MOCS1: variants seen among roughly 807,000 people sequenced by gnomAD.
The protein encoded by MOCS1 is molybdenum cofactor synthesis 1.
A neutral mutation model predicts 57.6 loss-of-function variants in MOCS1; 39 were observed. The ratio of observed to expected loss-of-function variants is 0.68; its 90% CI spans 0.52 to 0.88. The LOEUF (loss-of-function observed/expected upper bound fraction) is 0.88, where lower values mean the gene tolerates loss of function less well. Ranked by LOEUF, MOCS1 falls within the 40% of genes least tolerant of loss-of-function variation. The pLI is 0.00. For synonymous variants in MOCS1, 334 were observed against 335.7 expected, an observed-to-expected ratio of 1.00 and a Z score of 0.05; for missense variants, 795 against 831.1, an observed-to-expected ratio of 0.96 and a Z score of 0.53.
chr6:39,918,090 T>C (rs1582820443), intron 3 of MOCS1, among the ~76,000 whole-genome samples: 1 of 152,248 alleles, frequency 6.6e-6, no homozygotes, highest in Non-Finnish European at 1.5e-5. Context: ...AATTTCTTTC[T>C]ATAACAAACA....
Position 39,906,459 on chromosome 6 carries a change from G to C in MOCS1, c.1809C>G (p.Thr603=), listed in dbSNP as rs764538311. 2.5e-6 allele frequency: 4 copies of C among 1,613,618 alleles called. No individual in the cohort carries two copies. In the African/African-American group the frequency reaches 5.3e-5, roughly 22 times the overall value. ...ALTSAAVAAL[T]LYDMCKAVSR... ...TGACAGCCTTGCACATGTCATACAG[G>C]GTGAGGGCGGCCACTGCAGCAGAGG... Residue 603 remains threonine (T), a synonymous_variant, in exon 11 of 11, where the codon ACC becomes ACG. Transcript: ENST00000340692.
chr6:39,910,684 A>C (rs1767267340), intron 8 of MOCS1, among the ~76,000 whole-genome samples: 1 of 152,190 alleles, frequency 6.6e-6, no homozygotes, highest in South Asian at 2.1e-4. Flanking sequence ...CCACTGGAGA[A>C]GATACCAGTG....
intron 1 of MOCS1, among the ~76,000 whole-genome samples, chr6:39,928,940 C>G (rs1042615673): frequency 1.3e-5 from 2 of 152,218 alleles, no homozygotes; most frequent in African/African-American, 4.8e-5. Flanking sequence ...TTAGAACCAT[C>G]TGGAGAACTT....
rs554765057 is a variant in MOCS1 at position 39,913,381 on chromosome 6, G to T, written c.693C>A (p.Asp231Glu). ...MRGLNEDELL[D>E]FAALTEGLPL... ...GGAGGCCCTCAGTCAAGGCCGCAAAGTCCAGGAGTTCATCCTCGTTAAGGC... is the reference window on the plus strand; with the variant it reads ...GGAGGCCCTCAGTCAAGGCCGCAAATTCCAGGAGTTCATCCTCGTTAAGGC... Residue 231 changes from aspartate to glutamate, a missense_variant, in exon 6 of 11, where the codon GAC (aspartate) becomes GAA (glutamate). Asp to Glu is a conservative substitution (Grantham distance 45, BLOSUM62 2). This residue lies in a region of MOCS1 where 416 missense variants were observed against 392.4 expected (regional missense o/e 1.06). Coordinates refer to ENST00000340692, the MANE Select transcript of MOCS1 (RefSeq NM_001358530.2). 4.3e-6 allele frequency: 7 copies of T among 1,614,104 alleles called. No homozygotes were observed. The highest frequency in any genetic ancestry group is 1.6e-4 in the Middle Eastern group (1 of 6,084).
At position 39,906,650 on chromosome 6, in the gene MOCS1, C is replaced by T. The variant is rs766734756; in HGVS notation, c.1618G>A (p.Gly540Arg). 1 of 1,613,926 alleles carries T rather than the reference C, an allele frequency of 6.2e-7. No individual in the cohort carries two copies. Among genetic ancestry groups the T allele is most frequent in the South Asian group, 1.1e-5 (1 of 91,078 alleles). ...GDALVVAQLA[G>R]VQAAKVTSQL... Reference sequence around the variant, plus strand: ...CTGGTCACCTTGGCTGCCTGGACTCCAGCCAGCTGGGCCACCACTAGGGCA... The same window carrying T: ...CTGGTCACCTTGGCTGCCTGGACTCTAGCCAGCTGGGCCACCACTAGGGCA... The change falls in exon 11 of 11, where the codon GGA becomes AGA. Residue 540 changes from glycine (G) to arginine (R), a missense_variant. Gly to Arg is a moderately radical substitution (Grantham distance 125). Transcript: ENST00000340692.
intron 3 of MOCS1, among the ~76,000 whole-genome samples, chr6:39,920,497 T>G (rs1767904107): frequency 6.6e-6 from 1 of 152,090 alleles, no homozygotes; most frequent in Non-Finnish European, 1.5e-5. Flanking sequence ...CTAGAACCAA[T>G]TCAAATGCTC....
In MOCS1 at chr6:39,934,307, T is replaced by A; in HGVS notation, c.111A>T (p.Arg37=). ...VTQPCPGESA[R]AASEEVSRRR... is the part of the protein sequence containing the mutation. ...GGGGTGGGCTCACCTCCGAGGCAGC[T>A]CGCGCGGACTCCCCGGGGCAGGGCT... The change falls in exon 1 of 11, where the codon CGA becomes CGT. Residue 37 remains arginine (R), a synonymous_variant. Coordinates refer to ENST00000340692, the MANE Select transcript of MOCS1 (RefSeq NM_001358530.2). 1 of 1,545,758 alleles carries A rather than the reference T, an allele frequency of 6.5e-7. No individual in the cohort carries two copies.
chr6:39,924,030 C>T (rs1370192507), intron 3 of MOCS1, among the ~76,000 whole-genome samples: 1 of 152,230 alleles, frequency 6.6e-6, no homozygotes, highest in Admixed American at 6.5e-5. Context: ...CATGGAACCT[C>T]ATAGCCCCGA....
At chr6:39,924,659 T>C (rs1768172050) in intron 3 of MOCS1, among the ~76,000 whole-genome samples, 1 of 152,228 alleles carries the variant, frequency 6.6e-6, no homozygotes, top group South Asian at 2.1e-4. Context: ...ATGGGCAATA[T>C]GTAAATGAAT....
At chr6:39,930,563 G>A (rs563604135) in intron 1 of MOCS1, among the ~76,000 whole-genome samples, 1 of 152,302 alleles carries the variant, frequency 6.6e-6, no homozygotes, top group African/African-American at 2.4e-5. Context: ...GGTCTCTACT[G>A]TCAAAATGGT....
Position 39,925,826 on chromosome 6 carries a change from C to T in MOCS1, c.270G>A (p.Glu90=). 6.2e-7 allele frequency: 1 copy of T among 1,612,500 alleles called. No individual in the cohort carries two copies. Among genetic ancestry groups the T allele is most frequent in the Non-Finnish European group, 8.5e-7 (1 of 1,179,806 alleles). ...CNLRCQYCMP[E]EGVPLTPKAN... The stretch of plus-strand genomic sequence containing the variant: ...CTTTGGGGGTCAGCGGGACCCCCTC[C>T]TCGGGCATGCAGTACTGACCTGAGG... The change falls in exon 3 of 11, where the codon GAG becomes GAA. Residue 90 remains glutamate, a synonymous_variant. Transcript: ENST00000340692.
intron 1 of MOCS1, chr6:39,927,776 AGCCAGTGCC>A: frequency 7.0e-7 from 1 of 1,437,106 alleles, no homozygotes; most frequent in Non-Finnish European, 9.1e-7. Flanking sequence ...TCTTCACTCT[AGCCAGTGCC>A]AAAAAAAGGA....
At chr6:39,918,838 T>TAA (rs34566284) in intron 3 of MOCS1, among the ~76,000 whole-genome samples, 65 of 145,920 alleles carry the variant, frequency 4.5e-4, no homozygotes, top group Non-Finnish European at 7.0e-4. Context: ...ATTACTTTTG[T>TAA]AAAAAAAAAA....
At position 39,905,281 on chromosome 6, in the gene MOCS1, GCCA is replaced by G. The variant is rs1562078636; in HGVS notation, c.*1073_*1075del. The stretch of plus-strand genomic sequence containing the variant: ...AAGCAATGAGCTTTGAACACCCCTG[GCCA>G]CCACCTGACAAAAGATTTCCCTTAG... On this transcript the variant is annotated 3_prime_UTR_variant, in exon 11 of 11. Coordinates refer to ENST00000340692, the MANE Select transcript of MOCS1 (RefSeq NM_001358530.2). 4.4e-6 allele frequency: 2 copies of G among 454,592 alleles called. No individual in the cohort carries two copies. Among genetic ancestry groups the G allele is most frequent in the Admixed American group, 4.7e-5 (2 of 42,574 alleles). 28.2% of individuals were successfully genotyped at this position (454,592 alleles called of 1,614,324 possible).
chr6:39,906,375 C>G lies in MOCS1; in HGVS notation c.1893G>C (p.Gly631=). The G allele has an allele frequency of 1.9e-6, 3 of 1,595,824 alleles. No individual in the cohort carries two copies. The highest frequency in any genetic ancestry group is 2.6e-6 in the Non-Finnish European group (3 of 1,167,798). ...GCAGGTGCTAAGCCCGATGGAAGTC[C>G]CCCCGCTGACCACCAGTCTTGCTAA... The part of the protein sequence containing the change: ...KLISKTGGQR[G]DFHRA Residue 631 remains glycine, a synonymous_variant, in exon 11 of 11, where the codon GGG becomes GGC. Coordinates refer to ENST00000340692, the MANE Select transcript of MOCS1 (RefSeq NM_001358530.2).
intron 1 of MOCS1, chr6:39,927,808 G>A: frequency 1.5e-6 from 2 of 1,316,386 alleles, no homozygotes; most frequent in Non-Finnish European, 9.9e-7. Flanking sequence ...GTGCACCCAT[G>A]GTCTCGGGCA....
chr6:39,904,282 C>CTATT lies in MOCS1; in HGVS notation c.*2071_*2074dup. On this transcript the variant is annotated 3_prime_UTR_variant, in exon 11 of 11. Coordinates refer to ENST00000340692, the MANE Select transcript of MOCS1 (RefSeq NM_001358530.2). ...CTCACTCTAAAAGAAAGATATTTTT[C>CTATT]TATTTATTTTCTACATCTGGCCAGT... is the stretch of plus-strand genomic sequence containing the variant. 2.2e-6 allele frequency: 1 copy of CTATT among 456,736 alleles called. No individual in the cohort carries two copies. Among genetic ancestry groups the CTATT allele is most frequent in the South Asian group, 1.5e-5 (1 of 64,574 alleles). 28.3% of individuals were successfully genotyped at this position (456,736 alleles called of 1,614,324 possible).
chr6:39,925,569 GA>G (rs1768230200), intron 3 of MOCS1, 108 bp downstream of exon 3: 2 of 1,265,260 alleles, frequency 1.6e-6, no homozygotes, highest in Non-Finnish European at 2.3e-6. Flanking sequence ...AGGACCAAGA[GA>G]GTGTCATGTG....
chr6:39,926,820 C>T (rs1768338948), intron 2 of MOCS1, among the ~76,000 whole-genome samples: 1 of 145,810 alleles, frequency 6.9e-6, no homozygotes. Flanking sequence ...GAAGTCCCTC[C>T]AGCAGTGGCT....
Sources: allele counts gnomAD v4.1 joint callset (sites outside exome capture counted in the v4.1 genomes callset), GRCh38; gene constraint gnomAD v4.1.1; regional missense constraint gnomAD v4.1.1; transcripts MANE v1.5; gene names NCBI Gene and HGNC (gene_info 2026-07-23, HGNC 2026-07-21).